Variants in NCOR2 observed in about 807,000 individuals in gnomAD.
NCOR2 encodes CTG repeat protein 26.
A neutral mutation model predicts 262.9 loss-of-function variants in NCOR2; 81 were observed. The observed-to-expected ratio is 0.31, with a 90% CI of 0.26 to 0.37. The LOEUF is 0.37. NCOR2 is among the 10% of genes least tolerant of loss of function. The pLI, the probability that NCOR2 is intolerant of heterozygous loss-of-function variation, is 1.00. For synonymous variants in NCOR2, 1,659 were observed against 1,559.3 expected (o/e 1.06, Z -1.51); for missense variants, 3,385 against 3,621.4 (o/e 0.93, Z 1.68).
chr12:124,475,516 C>A (rs2047061430), intron 3 of NCOR2, among the ~76,000 whole-genome samples: 2 of 152,234 alleles, frequency 1.3e-5, no homozygotes, highest in Admixed American at 1.3e-4. Context: ...GCTTTGAGGG[C>A]CACAAGGTCT....
chr12:124,438,155 G>A (rs1720960772), intron 7 of NCOR2, among the ~76,000 whole-genome samples, 159 bp from the exon 10 acceptor site: 1 of 152,058 alleles, frequency 6.6e-6, no homozygotes, highest in South Asian at 2.1e-4. Context: ...AGACCTGTGA[G>A]CTGCCAACGT....
intron 11 of NCOR2, among the ~76,000 whole-genome samples, chr12:124,426,138 A>G (rs954378841): frequency 2.0e-5 from 3 of 152,170 alleles, no homozygotes; most frequent in Non-Finnish European, 2.9e-5. Context: ...ACTTTGTACC[A>G]TATTGAAGTG....
intron 6 of NCOR2, among the ~76,000 whole-genome samples, chr12:124,452,866 G>A (rs568457481): frequency 3.1e-4 from 47 of 152,318 alleles, no homozygotes; most frequent in Middle Eastern, 3.4e-3. Context: ...CCCACAAGGC[G>A]AAGGCCCCGA....
chr12:124,422,646 CTGGCCGGGCCTGGCGGGCACCGCCCCACT>C, intron 11 of NCOR2, 91 bp from the exon 14 acceptor site: 1 of 1,466,516 alleles, frequency 6.8e-7, no homozygotes. Flanking sequence ...GCCATCCCCA[CTGGCCGGGCCTGGCGGGCACCGCCCCACT>C]TGGAGCAATT....
Position 124,340,213 on chromosome 12 carries a change from A to C in NCOR2, c.5489-9T>G. 6.2e-7 allele frequency: 1 copy of C among 1,600,862 alleles called. No individual in the cohort carries two copies. The highest frequency in any genetic ancestry group is 8.5e-7 in the Non-Finnish European group (1 of 1,173,878). On this transcript the variant is annotated splice_polypyrimidine_tract_variant and intron_variant, in intron 36 of 46. Coordinates refer to ENST00000405201, the Ensembl canonical transcript of NCOR2. ...GCTGCTCTGCTCTGTACCTGGTGAC[A>C]GTCAGTGGCATCAGCAGGGGGAGGC... is the stretch of plus-strand genomic sequence containing the variant.
intron 4 of NCOR2, 100 bp downstream of exon 6, chr12:124,472,852 G>A (rs747279721): frequency 2.7e-4 from 408 of 1,513,998 alleles, no homozygotes; most frequent in Admixed American, 5.2e-4. Flanking sequence ...GAGCACCCAG[G>A]AACTTGGGAA....
At chr12:124,422,138 G>A (rs1027312282) in intron 12 of NCOR2, among the ~76,000 whole-genome samples, 1 of 152,256 alleles carries the variant, frequency 6.6e-6, no homozygotes, top group Admixed American at 6.5e-5. Flanking sequence ...AGTGCTTCCA[G>A]AATCCACCCC....
chr12:124,350,043 C>T (rs1484089497), intron 28 of NCOR2, among the ~76,000 whole-genome samples: 2 of 152,026 alleles, frequency 1.3e-5, no homozygotes, highest in East Asian at 3.9e-4. Context: ...CTGAGAGAGG[C>T]GCCCATTAGC....
chr12:124,512,796 G>A (rs760990497), intron 1 of NCOR2, among the ~76,000 whole-genome samples: 12 of 152,192 alleles, frequency 7.9e-5, no homozygotes, highest in Non-Finnish European at 1.6e-4. Context: ...CACAGTAGCC[G>A]CTGGGTATTG....
In NCOR2 at chr12:124,372,290, CG is replaced by C; in HGVS notation, c.2538del (p.Ala847ArgfsTer117). On this transcript the variant is annotated frameshift_variant, in exon 20 of 47. Transcript: ENST00000405201. LOFTEE classifies it high-confidence loss of function. ...GTGTCCACTGCCAGCTCCTCAGCCG[CG>C]GGGGGCTTCTGCTCCTCCCCCTCCT... 5 of 1,543,830 alleles carry C rather than the reference CG, an allele frequency of 3.2e-6. No homozygotes were observed. The highest frequency in any genetic ancestry group is 1.2e-5 in the South Asian group (1 of 80,798).
At chr12:124,387,499 G>A (rs999327509) in intron 16 of NCOR2, among the ~76,000 whole-genome samples, 2 of 152,232 alleles carry the variant, frequency 1.3e-5, no homozygotes, top group African/African-American at 4.8e-5. Context: ...GCCAAGGGGG[G>A]CAACGCGGGC....
At chr12:124,429,634 G>C in exon 10 of NCOR2, 1 of 1,608,110 alleles carries the variant, frequency 6.2e-7, no homozygotes, top group South Asian at 1.1e-5. Flanking sequence ...AGAGGCCATC[G>C]ATGATCTCTG....
At chr12:124,492,703 G>A (rs2048157250) in intron 1 of NCOR2, among the ~76,000 whole-genome samples, 1 of 152,162 alleles carries the variant, frequency 6.6e-6, no homozygotes, top group Non-Finnish European at 1.5e-5. Flanking sequence ...ACTGGGTCTT[G>A]CCCTTTAAAA....
chr12:124,400,472 C>G (rs761884382), intron 15 of NCOR2, 29 bp downstream of exon 17: 1 of 1,604,040 alleles, frequency 6.2e-7, no homozygotes, highest in Non-Finnish European at 8.5e-7. Flanking sequence ...CAGCCCCTTC[C>G]CCACCCGCAT....
At chr12:124,331,794 G>C (rs2035224992) in intron 43 of NCOR2, 1 of 159,600 alleles carries the variant, frequency 6.3e-6, no homozygotes, top group African/African-American at 2.4e-5. Flanking sequence ...GAAGGGAAAA[G>C]CATCTGTGAT....
chr12:124,332,276 A>G (rs1234395534), intron 43 of NCOR2, 43 bp downstream of exon 45: 22 of 1,607,636 alleles, frequency 1.4e-5, no homozygotes, highest in Non-Finnish European at 1.6e-5. Flanking sequence ...CCACCCGCCC[A>G]CCTGTGGCCC....
At chr12:124,332,252 GCT>G (rs2135748032) in intron 43 of NCOR2, 65 bp downstream of exon 45, 1 of 1,590,694 alleles carries the variant, frequency 6.3e-7, no homozygotes, top group African/African-American at 1.3e-5. Context: ...GGCGGCTCCA[GCT>G]GCCCAGGCAG....
chr12:124,493,877 C>T lies in NCOR2; in HGVS notation c.105+1270G>A, dbSNP rs138251748. ...TGGCAGCCTCCCCACTTAGGGCAATCGCACCTGAGGCCTGTGATTTAACCT... is the reference window on the plus strand; with the variant it reads ...TGGCAGCCTCCCCACTTAGGGCAATTGCACCTGAGGCCTGTGATTTAACCT... On this transcript the variant is annotated intron_variant, in intron 1 of 46. Transcript: ENST00000405201. Among the ~76,000 whole-genome samples, 23 of 152,292 alleles carry T rather than the reference C, an allele frequency of 1.5e-4. No individual in the cohort carries two copies. In the East Asian group the frequency reaches 2.1e-3, roughly 14 times the overall value.
chr12:124,515,976 G>T (rs1023534234), intron 1 of NCOR2, among the ~76,000 whole-genome samples: 1 of 152,174 alleles, frequency 6.6e-6, no homozygotes, highest in East Asian at 1.9e-4. Context: ...CTTTGGCAAA[G>T]GTCAGGGGCA....
Sources: allele counts gnomAD v4.1 joint callset (sites outside exome capture counted in the v4.1 genomes callset), GRCh38; gene constraint gnomAD v4.1.1; transcripts MANE v1.5; gene names NCBI Gene and HGNC (gene_info 2026-07-23, HGNC 2026-07-21).